ACOXL: variants seen among roughly 807,000 people sequenced by gnomAD.
ACOXL encodes the protein acyl-CoA oxidase like.
In ACOXL, 70 loss-of-function variants were observed where a neutral mutation model predicts 71.9. The ratio of observed to expected loss-of-function variants is 0.97; its 90% CI spans 0.80 to 1.19. ACOXL has a LOEUF of 1.19. Among genes scored for constraint, ACOXL ranks in the 50% most tolerant of loss-of-function variants. The pLI, the probability that ACOXL is intolerant of heterozygous loss-of-function variation, is 0.00. For synonymous variants in ACOXL, 253 were observed against 281.6 expected (o/e 0.90, Z 1.02); for missense variants, 703 against 736.3 (o/e 0.95, Z 0.52).
intron 13 of ACOXL, among the ~76,000 whole-genome samples, chr2:110,988,377 T>C (rs1399649132): frequency 1.3e-5 from 2 of 151,946 alleles, no homozygotes; most frequent in South Asian, 2.1e-4. Flanking sequence ...GAGGCAGAGG[T>C]TGCAGTGAGC....
intron 10 of ACOXL, among the ~76,000 whole-genome samples, chr2:110,894,306 AC>A (rs1187587063): frequency 6.8e-6 from 1 of 147,288 alleles, no homozygotes; most frequent in Admixed American, 6.9e-5. Flanking sequence ...GAAGCTGACC[AC>A]CCAGAATCAC....
At chr2:110,780,633 A>G (rs1224834146) in intron 2 of ACOXL, among the ~76,000 whole-genome samples, 2 of 152,212 alleles carry the variant, frequency 1.3e-5, no homozygotes, top group African/African-American at 4.8e-5. Flanking sequence ...TTAGTTTAAC[A>G]TAGATGCCTC....
intron 10 of ACOXL, among the ~76,000 whole-genome samples, chr2:110,857,200 G>C (rs1693362894): frequency 6.6e-6 from 1 of 152,144 alleles, no homozygotes; most frequent in African/African-American, 2.4e-5. Flanking sequence ...ACTCACTCAT[G>C]GTCACAATAT....
chr2:110,836,409 C>T (rs531653048), intron 9 of ACOXL, among the ~76,000 whole-genome samples: 40 of 152,242 alleles, frequency 2.6e-4, no homozygotes, highest in Admixed American at 1.4e-3. Flanking sequence ...CTGCCTGGCC[C>T]TGTTTGAGTG....
chr2:110,774,946 T>C (rs1350700335), intron 2 of ACOXL, among the ~76,000 whole-genome samples: 1 of 152,174 alleles, frequency 6.6e-6, no homozygotes, highest in African/African-American at 2.4e-5. Context: ...TAATCAAAAC[T>C]GTGGAACTGG....
chr2:111,031,497 C>T (rs981103623), intron 14 of ACOXL, 130 bp from the exon 15 acceptor site: 2 of 743,862 alleles, frequency 2.7e-6, no homozygotes, highest in South Asian at 3.3e-5. Flanking sequence ...GGCCAGCCTA[C>T]AGAAGGTTCT....
Position 110,845,258 on chromosome 2 carries a change from G to A in ACOXL, c.788+3853G>A, listed in dbSNP as rs567313121. On this transcript the variant is annotated intron_variant, in intron 10 of 17. Coordinates refer to ENST00000439055, the MANE Select transcript of ACOXL (RefSeq NM_001142807.4). ...GCAGGGAGGAGTGCTGTGTTGTCACGTGGCAGAAGGGAGAGGAGCAAGAGG... is the reference window on the plus strand; with the variant it reads ...GCAGGGAGGAGTGCTGTGTTGTCACATGGCAGAAGGGAGAGGAGCAAGAGG... Among the ~76,000 whole-genome samples, 120 of 152,288 alleles carry A rather than the reference G, an allele frequency of 7.9e-4. 3 individuals carry two copies. In the South Asian group the frequency reaches 0.019, roughly 24 times the overall value.
At chr2:110,747,784 G>A (rs1678410928) in intron 1 of ACOXL, among the ~76,000 whole-genome samples, 1 of 152,062 alleles carries the variant, frequency 6.6e-6, no homozygotes, top group African/African-American at 2.4e-5. Flanking sequence ...TGTTGTCTTA[G>A]GAGGTTATAT....
At chr2:111,086,902 A>C (rs1433383109) in intron 16 of ACOXL, among the ~76,000 whole-genome samples, 1 of 152,052 alleles carries the variant, frequency 6.6e-6, no homozygotes, top group Non-Finnish European at 1.5e-5. Context: ...GTCTAGAAAA[A>C]CCCTATGGTC....
chr2:110,757,068 C>A (rs1187327105), intron 1 of ACOXL, among the ~76,000 whole-genome samples: 2 of 152,128 alleles, frequency 1.3e-5, no homozygotes, highest in Non-Finnish European at 2.9e-5. Context: ...CCCCCCAAGA[C>A]AGGCTCCAGT....
At chr2:111,115,029 G>A (rs535652150) in intron 17 of ACOXL, among the ~76,000 whole-genome samples, 158 of 152,260 alleles carry the variant, frequency 1.0e-3, no homozygotes, top group Admixed American at 1.6e-3. Context: ...TAGTGCCCAT[G>A]TTTAGGTTTG....
At chr2:110,825,562 T>C (rs1047055657) in intron 9 of ACOXL, among the ~76,000 whole-genome samples, 1 of 152,144 alleles carries the variant, frequency 6.6e-6, no homozygotes, top group Admixed American at 6.5e-5. Context: ...TTCTTGGAGA[T>C]TTTTTTCCAA....
intron 1 of ACOXL, among the ~76,000 whole-genome samples, chr2:110,766,461 G>C (rs1681079732): frequency 6.6e-6 from 1 of 152,166 alleles, no homozygotes; most frequent in South Asian, 2.1e-4. Flanking sequence ...GTTGCCTTCA[G>C]ATGGGGATGT....
chr2:110,813,538 C>G (rs1388674504), intron 9 of ACOXL, among the ~76,000 whole-genome samples: 1 of 152,158 alleles, frequency 6.6e-6, no homozygotes, highest in East Asian at 1.9e-4. Context: ...TTTTGGCCAC[C>G]TCTGGGGAAA....
intron 3 of ACOXL, among the ~76,000 whole-genome samples, chr2:110,789,981 G>T (rs962830323): frequency 6.6e-6 from 1 of 152,218 alleles, no homozygotes; most frequent in African/African-American, 2.4e-5. Context: ...AGTTGTACAT[G>T]CTACCTCTAG....
At chr2:110,896,095 CA>C (rs1255230839) in intron 10 of ACOXL, among the ~76,000 whole-genome samples, 1 of 151,998 alleles carries the variant, frequency 6.6e-6, no homozygotes, top group African/African-American at 2.4e-5. Flanking sequence ...CAATTATACA[CA>C]GGGGAAAGAA....
intron 17 of ACOXL, 116 bp from the exon 18 acceptor site, chr2:111,117,500 A>C: frequency 9.2e-7 from 1 of 1,090,074 alleles, no homozygotes; most frequent in Non-Finnish European, 1.4e-6. Context: ...ATCCAAAGGG[A>C]AACTAGTTTC....
At chr2:111,113,473 G>T (rs2070131472) in intron 17 of ACOXL, among the ~76,000 whole-genome samples, 1 of 152,186 alleles carries the variant, frequency 6.6e-6, no homozygotes, top group Admixed American at 6.5e-5. Context: ...AAAGATGCTG[G>T]AGATAGAGCA....
intron 10 of ACOXL, among the ~76,000 whole-genome samples, chr2:110,845,928 A>G (rs576581188): frequency 1.5e-4 from 23 of 152,134 alleles, no homozygotes; most frequent in Non-Finnish European, 1.6e-4. Context: ...CCTGCTTTCA[A>G]TTCTTTTGGG....
Sources: gnomAD v4.1 joint callset for allele counts (sites outside exome capture counted in the v4.1 genomes callset) on GRCh38, gnomAD v4.1.1 for gene constraint, MANE v1.5 for transcripts, NCBI Gene and HGNC (gene_info 2026-07-23, HGNC 2026-07-21) for gene names.